The following CGGBP1 variants were observed in gnomAD, a reference collection of about 807,000 sequenced individuals.
CGGBP1 encodes CGG triplet repeat-binding protein 1.
Under a neutral mutation model 11.4 loss-of-function variants are expected in CGGBP1, and 4 were observed. The ratio of observed to expected loss-of-function variants is 0.35; its 90% CI spans 0.17 to 0.80. CGGBP1 has a LOEUF of 0.80. Ranked by LOEUF, CGGBP1 falls within the 30% of genes least tolerant of loss-of-function variation. CGGBP1 has a pLI of 0.52. For synonymous variants in CGGBP1, 76 were observed against 74.1 expected, an observed-to-expected ratio of 1.03 and a Z score of -0.13; for missense variants, 135 against 202.1, an observed-to-expected ratio of 0.67 and a Z score of 2.01.
intron 1 of CGGBP1, among the ~76,000 whole-genome samples, chr3:88,149,090 T>C (rs192321598): frequency 6.6e-6 from 1 of 152,352 alleles, no homozygotes; most frequent in East Asian, 1.9e-4. Flanking sequence ...GCATTTAGTC[T>C]GATTCCTGTT....
At chr3:88,125,336 T>C (rs1307449588) in intron 2 of CGGBP1, among the ~76,000 whole-genome samples, 1 of 152,216 alleles carries the variant, frequency 6.6e-6, no homozygotes, top group African/African-American at 2.4e-5. Flanking sequence ...GATTTATATA[T>C]TCAGTAAACT....
chr3:88,129,690 T>G (rs1706333455), intron 2 of CGGBP1: 11 of 1,475,212 alleles, frequency 7.5e-6, no homozygotes, highest in Non-Finnish European at 9.9e-6. Flanking sequence ...CTTACAGCAT[T>G]TATTGAAAAC....
rs1372055011 is a variant in CGGBP1, at chr3:88,135,116, G to T, written c.-229+5854C>A. The T allele has an allele frequency of 3.4e-6, 5 of 1,482,842 alleles. No homozygotes were observed. In the Admixed American group the frequency reaches 9.4e-5, roughly 28 times the overall value. 91.9% of individuals were successfully genotyped at this position (1,482,842 alleles called of 1,614,324 possible). A position where few individuals can be genotyped will look rare whatever the true frequency, so the allele number is the denominator to read the frequency against. The stretch of plus-strand genomic sequence containing the variant: ...GCTTAAATCTAATCCTTCAAAACAA[G>T]TTTTTGTAGATCAATGCTACCAGCT... On this transcript the variant is annotated intron_variant, in intron 2 of 3. Coordinates refer to the CGGBP1 transcript ENST00000462901.
At chr3:88,085,584 T>C (rs1708297829) in intron 2 of CGGBP1, among the ~76,000 whole-genome samples, 1 of 152,214 alleles carries the variant, frequency 6.6e-6, no homozygotes, top group Non-Finnish European at 1.5e-5. Flanking sequence ...AACATAGCAA[T>C]TGATGTTTCT....
chr3:88,132,084 A>G (rs745711224), intron 2 of CGGBP1, among the ~76,000 whole-genome samples: 5 of 152,148 alleles, frequency 3.3e-5, no homozygotes, highest in African/African-American at 4.8e-5. Flanking sequence ...ATGTCATTTA[A>G]CCCAACAAGC....
chr3:88,068,877 C>A (rs1376708341), intron 2 of CGGBP1, among the ~76,000 whole-genome samples: 1 of 152,020 alleles, frequency 6.6e-6, no homozygotes, highest in East Asian at 1.9e-4. Flanking sequence ...CAAAAGCCAG[C>A]CCGTGCACTT....
chr3:88,101,020 A>G (rs535661387), intron 2 of CGGBP1, among the ~76,000 whole-genome samples: 15 of 152,272 alleles, frequency 9.9e-5, no homozygotes, highest in Non-Finnish European at 1.0e-4. Flanking sequence ...AGTAGAAGCA[A>G]CTATCACCTA....
chr3:88,060,423 T>A (rs1452835554), upstream of CGGBP1, among the ~76,000 whole-genome samples: 1 of 152,224 alleles, frequency 6.6e-6, no homozygotes, highest in Admixed American at 6.5e-5. Flanking sequence ...TACCTGCATT[T>A]GTAATTTAAA....
chr3:88,075,263 G>A (rs760368083), intron 2 of CGGBP1, among the ~76,000 whole-genome samples: 29 of 152,136 alleles, frequency 1.9e-4, no homozygotes, highest in Non-Finnish European at 3.5e-4. Flanking sequence ...AGTTTGTAAC[G>A]CTTCAAGCAT....
chr3:88,068,164 T>A (rs557660777), intron 2 of CGGBP1, among the ~76,000 whole-genome samples: 99 of 152,064 alleles, frequency 6.5e-4, no homozygotes, highest in African/African-American at 2.3e-3. Flanking sequence ...ACCATTTGAA[T>A]TTGATCATTG....
Position 88,083,952 on chromosome 3 carries a change from T to C in CGGBP1, c.-228-25729A>G, listed in dbSNP as rs1434530772. Among the ~76,000 whole-genome samples the C allele has an allele frequency of 3.0e-5, 4 of 134,326 alleles. No individual in the cohort carries two copies. The East Asian group carries it at 8.4e-4, about 28-fold the overall frequency. The allele number at this position is 134,326 out of a possible 152,430, so 88.1% of individuals were successfully genotyped here. On this transcript the variant is annotated intron_variant, in intron 2 of 3. Coordinates refer to the CGGBP1 transcript ENST00000462901. The stretch of plus-strand genomic sequence containing the variant: ...GTAATGTACTTATTTTATATATATA[T>C]ATATATATATATATAGAAAATATTT...
chr3:88,074,793 T>C (rs1162730353), intron 2 of CGGBP1, among the ~76,000 whole-genome samples: 5 of 152,118 alleles, frequency 3.3e-5, no homozygotes, highest in Non-Finnish European at 5.9e-5. Flanking sequence ...CAGTAAAAAT[T>C]AGTGATATCA....
chr3:88,122,664 T>A (rs901544788), intron 2 of CGGBP1, among the ~76,000 whole-genome samples: 8 of 152,102 alleles, frequency 5.3e-5, no homozygotes, highest in African/African-American at 1.9e-4. Context: ...TAATAAAGGA[T>A]TAAGTTGATA....
chr3:88,065,351 T>A (rs1478133317), intron 2 of CGGBP1, among the ~76,000 whole-genome samples: 1 of 152,212 alleles, frequency 6.6e-6, no homozygotes, highest in Admixed American at 6.5e-5. Flanking sequence ...TTGTTCATAA[T>A]GACGTTGTTT....
chr3:88,121,890 A>C (rs1705791537), intron 2 of CGGBP1, among the ~76,000 whole-genome samples: 1 of 152,194 alleles, frequency 6.6e-6, no homozygotes, highest in South Asian at 2.1e-4. Context: ...CAGACTCCAT[A>C]GTGCTTCCAT....
intron 2 of CGGBP1, among the ~76,000 whole-genome samples, chr3:88,131,694 T>C (rs570452721): frequency 6.6e-6 from 1 of 152,294 alleles, no homozygotes; most frequent in South Asian, 2.1e-4. Flanking sequence ...AAGGAGTCTT[T>C]AGCCTTCTTT....
At chr3:88,129,781 C>T (rs1483384588) in intron 2 of CGGBP1, 2 of 1,527,036 alleles carry the variant, frequency 1.3e-6, no homozygotes, top group East Asian at 2.5e-5. Context: ...CTCTGTGAAT[C>T]CTTTCTTATT....
At chr3:88,061,301 C>T (rs1304240649), upstream of CGGBP1, among the ~76,000 whole-genome samples, 1 of 152,082 alleles carries the variant, frequency 6.6e-6, no homozygotes, top group Non-Finnish European at 1.5e-5. Flanking sequence ...ATTTAGCCTG[C>T]AAAACACAGT....
chr3:88,088,109 A>G (rs1469538221), intron 2 of CGGBP1, among the ~76,000 whole-genome samples: 2 of 152,232 alleles, frequency 1.3e-5, no homozygotes, highest in Non-Finnish European at 2.9e-5. Flanking sequence ...CTCTATATAA[A>G]TTAAATAACC....
Sources: gnomAD v4.1 joint callset for allele counts (sites outside exome capture counted in the v4.1 genomes callset) on GRCh38, gnomAD v4.1.1 for gene constraint, MANE v1.5 for transcripts, NCBI Gene and HGNC (gene_info 2026-07-23, HGNC 2026-07-21) for gene names.